PRKN: variants seen among roughly 807,000 people sequenced by gnomAD.
PRKN encodes the protein parkin RBR E3 ubiquitin protein ligase, also known as E3 ubiquitin-protein ligase parkin.
In PRKN, 56 loss-of-function variants were observed where a neutral mutation model predicts 59.5. The observed-to-expected ratio is 0.94, with a 90% CI of 0.76 to 1.18. PRKN has a LOEUF of 1.18. Among genes scored for constraint, PRKN ranks in the 50% most tolerant of loss-of-function variants. The probability of loss-of-function intolerance (pLI) is 0.00; values close to 1 mark genes in which losing one functional copy is unlikely to be tolerated. For missense variants in PRKN, 657 were observed against 596.4 expected, an observed-to-expected ratio of 1.10 and a Z score of -1.06; for synonymous variants, 250 against 222.1, an observed-to-expected ratio of 1.13 and a Z score of -1.12.
chr6:162,725,158 T>G (rs558208274), intron 1 of PRKN, among the ~76,000 whole-genome samples: 443 of 152,346 alleles, frequency 2.9e-3, no homozygotes, highest in Non-Finnish European at 5.2e-3. Context: ...TGCTTCAACC[T>G]GAGGTCTCCC....
intron 7 of PRKN, among the ~76,000 whole-genome samples, chr6:161,597,847 CACACACACACAT>C (rs1227611811): frequency 6.6e-6 from 1 of 151,886 alleles, no homozygotes; most frequent in Non-Finnish European, 1.5e-5. Context: ...CACACACACA[CACACACACACAT>C]ATTCTAAACC....
intron 7 of PRKN, among the ~76,000 whole-genome samples, chr6:161,767,508 C>T (rs1214318146): frequency 9.9e-6 from 1 of 100,548 alleles, no homozygotes; most frequent in African/African-American, 4.0e-5. Flanking sequence ...CAGAGCAAAA[C>T]TCCTTCTCAA....
At position 161,841,517 on chromosome 6, in the gene PRKN, T is replaced by G. The variant is rs1583233028; in HGVS notation, c.735-55609A>C. Among the ~76,000 whole-genome samples, 3 of 152,064 alleles carry G rather than the reference T, an allele frequency of 2.0e-5. No homozygotes were observed. The South Asian group carries it at 6.2e-4, about 32-fold the overall frequency. ...GGCGTGTGCCACCACGCCCAGCTAA[T>G]TTTTGTATTTTTATTAGAGATGGGG... On this transcript the variant is annotated intron_variant, in intron 6 of 11. Transcript: ENST00000366898.
At chr6:161,722,787 G>T (rs1298956753) in intron 7 of PRKN, among the ~76,000 whole-genome samples, 1 of 152,170 alleles carries the variant, frequency 6.6e-6, no homozygotes, top group East Asian at 1.9e-4. Context: ...TTAAGGAATT[G>T]TTTGGTCTTG....
intron 1 of PRKN, among the ~76,000 whole-genome samples, chr6:162,449,006 G>T (rs755588729): frequency 9.3e-4 from 141 of 151,782 alleles, no homozygotes; most frequent in Admixed American, 1.6e-3. Context: ...TCCTGCCTCA[G>T]CCTCCCGAGT....
In PRKN at chr6:161,491,342, G is replaced by A. The variant is rs534967656; in HGVS notation, c.1083+57512C>T. 1.4e-4 allele frequency among the ~76,000 whole-genome samples: 22 copies of A among 152,288 alleles called. No individual in the cohort carries two copies. The East Asian group carries it at 2.5e-3, about 17-fold the overall frequency. The stretch of plus-strand genomic sequence containing the variant: ...TTGCTCTGTGAACCACACAGGGAGC[G>A]TGAGAGGGCGTTGATGGGGTTTGTT... On this transcript the variant is annotated intron_variant, in intron 9 of 11. Transcript: ENST00000366898.
rs193131464 is a variant in PRKN at position 162,193,888 on chromosome 6, C to T, written c.534+7243G>A. 3.2e-4 allele frequency among the ~76,000 whole-genome samples: 49 copies of T among 152,232 alleles called. No individual in the cohort carries two copies. In the East Asian group the frequency reaches 9.1e-3, roughly 28 times the overall value. ...GCAGGGGCATAAACAATGAACATCC[C>T]TAAAATGCTCCTAGGAAGAGAAGAG... On this transcript the variant is annotated intron_variant, in intron 4 of 11. Transcript: ENST00000366898.
At chr6:162,511,705 G>C (rs1473715460) in intron 1 of PRKN, among the ~76,000 whole-genome samples, 2 of 152,074 alleles carry the variant, frequency 1.3e-5, no homozygotes, top group Non-Finnish European at 2.9e-5. Flanking sequence ...CCACTCTAAA[G>C]ACCACCATCT....
chr6:162,524,930 C>A (rs1183508441), intron 1 of PRKN, among the ~76,000 whole-genome samples: 1 of 152,272 alleles, frequency 6.6e-6, no homozygotes, highest in Admixed American at 6.5e-5. Flanking sequence ...CCCATGTACA[C>A]TTTTCCATGT....
intron 1 of PRKN, among the ~76,000 whole-genome samples, chr6:162,484,593 G>A (rs902589442): frequency 6.6e-6 from 1 of 152,196 alleles, no homozygotes; most frequent in Non-Finnish European, 1.5e-5. Context: ...ACACATTAAC[G>A]TAGAGATGTT....
intron 2 of PRKN, among the ~76,000 whole-genome samples, chr6:162,306,314 A>T (rs1355712618): frequency 1.3e-5 from 2 of 152,146 alleles, no homozygotes; most frequent in Non-Finnish European, 2.9e-5. Context: ...GGCTGGAGAG[A>T]GTACCAGACA....
intron 7 of PRKN, among the ~76,000 whole-genome samples, chr6:161,620,157 ATTTTT>A (rs1226074668): frequency 7.4e-6 from 1 of 135,664 alleles, no homozygotes. Context: ...TGCCCAGCTA[ATTTTT>A]TTTTTTTTTT....
chr6:161,653,759 T>A (rs1469719610), intron 7 of PRKN, among the ~76,000 whole-genome samples: 1 of 152,234 alleles, frequency 6.6e-6, no homozygotes, highest in Admixed American at 6.5e-5. Context: ...AGATTTTCTT[T>A]TGTTAGGAGA....
At chr6:161,375,402 A>G (rs1343703233) in intron 10 of PRKN, among the ~76,000 whole-genome samples, 1 of 152,194 alleles carries the variant, frequency 6.6e-6, no homozygotes, top group Non-Finnish European at 1.5e-5. Context: ...CTGTGTGTGT[A>G]CCCACGCAAG....
intron 1 of PRKN, among the ~76,000 whole-genome samples, chr6:162,482,107 C>G (rs1562319917): frequency 6.6e-6 from 1 of 152,060 alleles, no homozygotes; most frequent in Non-Finnish European, 1.5e-5. Context: ...ACTATGTTTA[C>G]TCAGATAATG....
intron 6 of PRKN, among the ~76,000 whole-genome samples, chr6:161,874,944 T>C (rs1251498318): frequency 1.2e-5 from 1 of 85,706 alleles, no homozygotes; most frequent in African/African-American, 6.4e-5. Context: ...ATATAATATA[T>C]TATAGGTACT....
intron 1 of PRKN, among the ~76,000 whole-genome samples, chr6:162,621,161 G>C (rs916039093): frequency 1.3e-5 from 2 of 152,126 alleles, no homozygotes; most frequent in Non-Finnish European, 1.5e-5. Flanking sequence ...GATGCCTATG[G>C]TAAATTGAGA....
At chr6:162,719,984 T>C (rs906881704) in intron 1 of PRKN, among the ~76,000 whole-genome samples, 1 of 151,994 alleles carries the variant, frequency 6.6e-6, no homozygotes, top group Non-Finnish European at 1.5e-5. Flanking sequence ...ATTTTATTAA[T>C]ACGAGCAAGT....
intron 7 of PRKN, among the ~76,000 whole-genome samples, chr6:161,673,846 A>T (rs748345036): frequency 6.6e-6 from 1 of 152,166 alleles, no homozygotes; most frequent in Non-Finnish European, 1.5e-5. Context: ...TAACTTGGAG[A>T]TGATGCTTGT....
Sources: gnomAD v4.1 joint callset for allele counts (sites outside exome capture counted in the v4.1 genomes callset) on GRCh38, gnomAD v4.1.1 for gene constraint, MANE v1.5 for transcripts, NCBI Gene and HGNC (gene_info 2026-07-23, HGNC 2026-07-21) for gene names.